The following KLF12 variants were observed in gnomAD, a reference collection of about 807,000 sequenced individuals.
KLF12 encodes the protein KLF transcription factor 12, also known as Krueppel-like factor 12.
KLF12 carries 9 observed loss-of-function variants against 37.8 expected under a neutral mutation model. The observed-to-expected ratio is 0.24, with a 90% CI of 0.14 to 0.42. The LOEUF (loss-of-function observed/expected upper bound fraction) is 0.42, where lower values mean the gene tolerates loss of function less well. KLF12 is among the 10% of genes least tolerant of loss of function. The probability of loss-of-function intolerance (pLI) is 1.00; values close to 1 mark genes in which losing one functional copy is unlikely to be tolerated. For missense variants in KLF12, 411 were observed against 516.0 expected (o/e 0.80, Z 1.97); for synonymous variants, 208 against 202.1 (o/e 1.03, Z -0.25).
chr13:74,172,154 C>CACACACACACACACAG, the KLF12 span, among the ~76,000 whole-genome samples: 1 of 151,852 alleles, frequency 6.6e-6, no homozygotes, highest in East Asian at 1.9e-4. Context: ...CACACACACA[C>CACACACACACACACAG]ACACACACAC....
intron 6 of KLF12, among the ~76,000 whole-genome samples, chr13:73,753,727 T>C (rs1878949041): frequency 6.7e-6 from 1 of 149,472 alleles, no homozygotes; most frequent in African/African-American, 2.5e-5. Context: ...GTAAGTGACA[T>C]AGAACTTAAA....
chr13:73,918,615 A>G (rs186218040), intron 3 of KLF12, among the ~76,000 whole-genome samples: 3 of 152,318 alleles, frequency 2.0e-5, no homozygotes, highest in Admixed American at 2.0e-4. Flanking sequence ...TTGAGACTCA[A>G]GCTCTTTACC....
intron 1 of KLF12, among the ~76,000 whole-genome samples, chr13:74,044,603 T>C (rs1209544498): frequency 6.6e-6 from 1 of 152,074 alleles, no homozygotes; most frequent in Non-Finnish European, 1.5e-5. Flanking sequence ...TCCCAGCACT[T>C]TGGGAGGCCA....
intron 4 of KLF12, among the ~76,000 whole-genome samples, chr13:73,827,743 A>C (rs1330079520): frequency 6.6e-6 from 1 of 151,952 alleles, no homozygotes; most frequent in Admixed American, 6.6e-5. Flanking sequence ...TTGTATTTTC[A>C]TTAGAGACAG....
chr13:74,268,386 A>G, the KLF12 span, among the ~76,000 whole-genome samples: 1 of 152,174 alleles, frequency 6.6e-6, no homozygotes, highest in Non-Finnish European at 1.5e-5. Context: ...AAGCACCGTT[A>G]ATTATGGACT....
chr13:73,915,530 T>A (rs1272991929), intron 3 of KLF12, among the ~76,000 whole-genome samples: 1 of 151,728 alleles, frequency 6.6e-6, no homozygotes, highest in Non-Finnish European at 1.5e-5. Context: ...TTTTTTTTTT[T>A]GAGATGGAGT....
At chr13:74,260,947 G>A in the KLF12 span, among the ~76,000 whole-genome samples, 1 of 152,150 alleles carries the variant, frequency 6.6e-6, no homozygotes, top group Non-Finnish European at 1.5e-5. Context: ...AAACAAAGAA[G>A]TTCATCAGCT....
intron 3 of KLF12, among the ~76,000 whole-genome samples, chr13:73,921,040 C>T (rs1185888514): frequency 6.6e-6 from 1 of 152,164 alleles, no homozygotes; most frequent in Admixed American, 6.5e-5. Context: ...AGAGAGCAGA[C>T]ACCACACCCA....
the KLF12 span, among the ~76,000 whole-genome samples, chr13:74,222,827 C>T: frequency 6.6e-6 from 1 of 152,154 alleles, no homozygotes; most frequent in Non-Finnish European, 1.5e-5. Context: ...GAGAAGTGAT[C>T]AAGTTGGTAT....
chr13:73,928,564 C>T (rs1489311284), intron 3 of KLF12, among the ~76,000 whole-genome samples: 1 of 152,114 alleles, frequency 6.6e-6, no homozygotes, highest in African/African-American at 2.4e-5. Context: ...GAAATGCAAG[C>T]CTAAATTAAC....
chr13:74,206,442 C>A, the KLF12 span, among the ~76,000 whole-genome samples: 30 of 152,176 alleles, frequency 2.0e-4, no homozygotes, highest in African/African-American at 6.8e-4. Flanking sequence ...CCATTCCCTG[C>A]ATTCCAGGCA....
the KLF12 span, among the ~76,000 whole-genome samples, chr13:74,220,036 G>T: frequency 3.1e-3 from 470 of 151,898 alleles, 3 homozygotes; most frequent in African/African-American, 0.011. Context: ...CATCTGCTTC[G>T]ACTTTTTCCT....
the KLF12 span, among the ~76,000 whole-genome samples, chr13:74,177,132 A>G: frequency 6.6e-6 from 1 of 152,176 alleles, no homozygotes; most frequent in Non-Finnish European, 1.5e-5. Flanking sequence ...AATTATGAAT[A>G]CATTTTTAGT....
intron 6 of KLF12, among the ~76,000 whole-genome samples, chr13:73,743,718 T>A (rs548946110): frequency 1.3e-5 from 2 of 152,330 alleles, no homozygotes; most frequent in South Asian, 4.1e-4. Flanking sequence ...ATCCAAGAAG[T>A]AGATTTTAAC....
At chr13:74,141,042 G>A in the KLF12 span, among the ~76,000 whole-genome samples, 2 of 152,086 alleles carry the variant, frequency 1.3e-5, no homozygotes, top group Non-Finnish European at 2.9e-5. Context: ...TCCAGCCTGG[G>A]TGACAGAGGG....
At chr13:73,934,967 T>TTATG (rs1889861903) in intron 3 of KLF12, among the ~76,000 whole-genome samples, 1 of 133,714 alleles carries the variant, frequency 7.5e-6, no homozygotes, top group Non-Finnish European at 1.6e-5. Context: ...ATTTATTTAT[T>TTATG]TATTTATTTA....
At chr13:74,092,319 AC>A (rs1875720344) in intron 1 of KLF12, among the ~76,000 whole-genome samples, 2 of 150,672 alleles carry the variant, frequency 1.3e-5, no homozygotes, top group Non-Finnish European at 1.5e-5. Flanking sequence ...GAAGAGTTGG[AC>A]TTCATCAAAA....
intron 6 of KLF12, among the ~76,000 whole-genome samples, chr13:73,733,747 A>G (rs575051770): frequency 1.3e-5 from 2 of 152,316 alleles, no homozygotes; most frequent in African/African-American, 4.8e-5. Context: ...ACTGCTGTGC[A>G]TGGCTGCTGC....
chr13:74,219,251 C>T, the KLF12 span, among the ~76,000 whole-genome samples: 2 of 152,170 alleles, frequency 1.3e-5, no homozygotes, highest in East Asian at 1.9e-4. Context: ...CCACCATGCC[C>T]GGCTGAGATT....
Sources: allele counts gnomAD v4.1 joint callset (sites outside exome capture counted in the v4.1 genomes callset), GRCh38; gene constraint gnomAD v4.1.1; transcripts MANE v1.5; gene names NCBI Gene and HGNC (gene_info 2026-07-23, HGNC 2026-07-21).